DRC7: variants seen among roughly 807,000 people sequenced by gnomAD.
DRC7 encodes dynein regulatory complex subunit 7.
DRC7 carries 80 observed loss-of-function variants against 104.4 expected under a neutral mutation model. That is an observed-to-expected ratio of 0.77 (90% confidence interval 0.64 to 0.92). DRC7 has a LOEUF of 0.92. Ranked by LOEUF, DRC7 falls within the 40% of genes least tolerant of loss-of-function variation. DRC7 has a pLI of 0.00. For synonymous variants in DRC7, 405 were observed against 447.3 expected (o/e 0.91, Z 1.19); for missense variants, 1,034 against 1,141.1 (o/e 0.91, Z 1.35).
At chr16:57,717,065 G>A (rs2048850648) in intron 8 of DRC7, among the ~76,000 whole-genome samples, 1 of 151,666 alleles carries the variant, frequency 6.6e-6, no homozygotes, top group Non-Finnish European at 1.5e-5. Context: ...GACTGAGGTA[G>A]GAGAATCACT....
At chr16:57,719,095 C>G (rs1424799310) in intron 9 of DRC7, among the ~76,000 whole-genome samples, 1 of 151,968 alleles carries the variant, frequency 6.6e-6, no homozygotes, top group East Asian at 1.9e-4. Flanking sequence ...CAGTTCTATC[C>G]CAAGTAGCCA....
intron 8 of DRC7, among the ~76,000 whole-genome samples, chr16:57,712,270 C>G (rs189109353): frequency 3.9e-5 from 6 of 152,168 alleles, no homozygotes; most frequent in Admixed American, 1.3e-4. Flanking sequence ...GTTCCACAGT[C>G]ACATTTATAT....
intron 17 of DRC7, among the ~76,000 whole-genome samples, chr16:57,729,475 T>C (rs2049021509): frequency 7.8e-6 from 1 of 128,772 alleles, no homozygotes; most frequent in African/African-American, 3.0e-5. Flanking sequence ...AGTGGGTGGG[T>C]GGATGGATGA....
intron 17 of DRC7, among the ~76,000 whole-genome samples, chr16:57,729,618 GT>G: frequency 1.2e-5 from 1 of 81,364 alleles, no homozygotes; most frequent in African/African-American, 6.4e-5. Context: ...GAGTGAGTGG[GT>G]GGGTGGATGG....
intron 8 of DRC7, chr16:57,714,959 G>GATGT (rs2048826327): frequency 3.0e-6 from 1 of 338,084 alleles, no homozygotes; most frequent in East Asian, 9.3e-5. Context: ...CTAATTTGAA[G>GATGT]ATGTAGGGCA....
At chr16:57,705,640 C>T (rs1243605116) in intron 7 of DRC7, among the ~76,000 whole-genome samples, 2 of 148,880 alleles carry the variant, frequency 1.3e-5, no homozygotes, top group Non-Finnish European at 3.0e-5. Flanking sequence ...TCCATCCATC[C>T]TCCCACCCAT....
rs374415604 is a variant in DRC7, at chr16:57,721,708, G to C, written c.1248G>C (p.Ser416=). 6.2e-7 allele frequency: 1 copy of C among 1,613,750 alleles called. No individual in the cohort carries two copies. Among genetic ancestry groups the C allele is most frequent in the Non-Finnish European group, 8.5e-7 (1 of 1,179,894 alleles). The change falls in exon 10 of 19, where the codon TCG becomes TCC. Residue 416 remains serine, a synonymous_variant. Coordinates refer to ENST00000360716, the MANE Select transcript of DRC7 (RefSeq NM_001289162.2). The part of the protein sequence containing the change: ...DEDKSFDMPH[S]WVEQIEISPE... ...ATAAGAGCTTCGACATGCCCCACTC[G>C]TGGGTGGAGCAGATTGAGATCTCCC...
Position 57,724,693 on chromosome 16 carries a change from T to C in DRC7, c.1616T>C (p.Met539Thr), listed in dbSNP as rs1339730793. 1.9e-6 allele frequency: 3 copies of C among 1,613,784 alleles called. No homozygotes were observed. In the African/African-American group the frequency reaches 4.0e-5, roughly 22 times the overall value. ...FYETARVDGL[M>T]KREETPRTMT... ...GAAACGGCCCGTGTGGATGGCCTGA[T>C]GAAGCGGGAGGAGACACCCAGGACA... The change falls in exon 13 of 19, where the codon ATG (methionine) becomes ACG (threonine). Residue 539 changes from methionine to threonine, a missense_variant. Transcript: ENST00000360716.
intron 8 of DRC7, 100 bp downstream of exon 8, chr16:57,707,778 C>A: frequency 2.8e-6 from 3 of 1,074,244 alleles, no homozygotes; most frequent in Non-Finnish European, 4.2e-6. Context: ...GAGCGAGACA[C>A]CAGGCCACGA....
intron 8 of DRC7, among the ~76,000 whole-genome samples, chr16:57,717,464 C>T (rs774052836): frequency 6.6e-6 from 1 of 150,776 alleles, no homozygotes; most frequent in Non-Finnish European, 1.5e-5. Context: ...TTTGGGAGGC[C>T]AAGGCAGGCG....
At chr16:57,723,495 G>C (rs12599974) in intron 12 of DRC7, among the ~76,000 whole-genome samples, 24,685 of 152,124 alleles carry the variant, frequency 0.16, 2,136 homozygotes, top group East Asian at 0.28. Flanking sequence ...CGCTTTGGGA[G>C]GCCAACATGG....
rs549333921 is a variant in DRC7, at chr16:57,699,693, T to A, written c.379-452T>A. On this transcript the variant is annotated intron_variant, in intron 4 of 18. Coordinates refer to ENST00000360716, the MANE Select transcript of DRC7 (RefSeq NM_001289162.2). Reference sequence around the variant, plus strand: ...ACCTCTGTAGGCCCCAGGGAGAGCATCGCTCCTGGGAGGAGAGCACAGTGC... The same window carrying A: ...ACCTCTGTAGGCCCCAGGGAGAGCAACGCTCCTGGGAGGAGAGCACAGTGC... Among the ~76,000 whole-genome samples the A allele has an allele frequency of 1.2e-4, 18 of 152,150 alleles. No individual in the cohort carries two copies. The South Asian group carries it at 2.3e-3, about 19-fold the overall frequency.
At chr16:57,711,361 T>G (rs1172710602) in intron 8 of DRC7, among the ~76,000 whole-genome samples, 1 of 152,236 alleles carries the variant, frequency 6.6e-6, no homozygotes, top group Admixed American at 6.5e-5. Context: ...ATCAATCTGG[T>G]TAGAGGTTTA....
chr16:57,723,727 C>G (rs1226862325), intron 12 of DRC7, among the ~76,000 whole-genome samples: 3 of 137,706 alleles, frequency 2.2e-5, no homozygotes, highest in Non-Finnish European at 4.7e-5. Flanking sequence ...GATCCTGTCT[C>G]AAGAAAAAAA....
At chr16:57,713,317 A>G (rs2048807698) in intron 8 of DRC7, among the ~76,000 whole-genome samples, 2 of 152,202 alleles carry the variant, frequency 1.3e-5, no homozygotes, top group South Asian at 4.1e-4. Flanking sequence ...TCTTTCAATT[A>G]TTGACAACAT....
At chr16:57,702,953 G>A (rs372381969) in intron 6 of DRC7, among the ~76,000 whole-genome samples, 4 of 151,730 alleles carry the variant, frequency 2.6e-5, no homozygotes, top group East Asian at 3.9e-4. Flanking sequence ...GCATGATCTC[G>A]GCCCACTGCA....
At chr16:57,730,145 A>T (rs1289557820) in intron 17 of DRC7, among the ~76,000 whole-genome samples, 2 of 99,116 alleles carry the variant, frequency 2.0e-5, no homozygotes, top group Non-Finnish European at 3.7e-5. Flanking sequence ...GGGTGGGTGG[A>T]TGGATGGATG....
At position 57,726,849 on chromosome 16, in the gene DRC7, C is replaced by T; in HGVS notation, c.1992C>T (p.His664=). The stretch of plus-strand genomic sequence containing the variant: ...TGTCCCAGGTGGAGCCCATGGAGCA[C>T]ACCAAGAAGCTGCTCTACCAGTACG... ...CISFEVEPME[H]TKKLLYQYEA... The change falls in exon 15 of 19, where the codon CAC becomes CAT. Residue 664 remains histidine, a synonymous_variant. Transcript: ENST00000360716. 6.2e-7 allele frequency: 1 copy of T among 1,612,218 alleles called. No homozygotes were observed.
intron 12 of DRC7, 104 bp downstream of exon 12, chr16:57,723,234 A>C: frequency 7.3e-7 from 1 of 1,371,122 alleles, no homozygotes; most frequent in Non-Finnish European, 9.9e-7. Flanking sequence ...TACATATTAT[A>C]CATGGGTTCT....
Sources: allele counts gnomAD v4.1 joint callset (sites outside exome capture counted in the v4.1 genomes callset), GRCh38; gene constraint gnomAD v4.1.1; transcripts MANE v1.5; gene names NCBI Gene and HGNC (gene_info 2026-07-23, HGNC 2026-07-21).